The following NEK10 variants were observed in gnomAD, a reference collection of about 807,000 sequenced individuals.
NEK10 encodes NIMA related kinase 10.
Under a neutral mutation model 159.8 loss-of-function variants are expected in NEK10, and 122 were observed. That is an observed-to-expected ratio of 0.76 (90% CI 0.66 to 0.89). The LOEUF (loss-of-function observed/expected upper bound fraction) is 0.89, where lower values mean the gene tolerates loss of function less well. Ranked by LOEUF, NEK10 falls within the 40% of genes least tolerant of loss-of-function variation. The pLI is 0.00. For missense variants in NEK10, 1,342 were observed against 1,323.1 expected, an observed-to-expected ratio of 1.01 and a Z score of -0.22; for synonymous variants, 466 against 457.1, an observed-to-expected ratio of 1.02 and a Z score of -0.25.
intron 22 of NEK10, among the ~76,000 whole-genome samples, chr3:27,260,257 T>C (rs2040280383): frequency 6.6e-6 from 1 of 152,202 alleles, no homozygotes; most frequent in African/African-American, 2.4e-5. Flanking sequence ...CAACACTATG[T>C]TGAATAGGAG....
In NEK10 at chr3:27,301,639, GT is replaced by G; in HGVS notation, c.1168+56del. 2.3e-6 allele frequency: 3 copies of G among 1,329,660 alleles called. No individual in the cohort carries two copies. In the South Asian group the frequency reaches 3.8e-5, roughly 17 times the overall value. 82.4% of individuals were successfully genotyped at this position (1,329,660 alleles called of 1,614,324 possible). On this transcript the variant is annotated intron_variant, in intron 13 of 35. Transcript: ENST00000691995. The stretch of plus-strand genomic sequence containing the variant: ...AACACTACTACACTAATCTATGATA[GT>G]GAATAATAATACAACACAATAAATT...
At chr3:27,232,297 T>G (rs944337945) in intron 23 of NEK10, among the ~76,000 whole-genome samples, 5 of 151,716 alleles carry the variant, frequency 3.3e-5, no homozygotes, top group Admixed American at 3.3e-4. Flanking sequence ...AAATCAAGAA[T>G]GCAACTCTTT....
chr3:27,359,201 C>CAAA (rs5847459), intron 1 of NEK10, among the ~76,000 whole-genome samples: 28 of 135,060 alleles, frequency 2.1e-4, no homozygotes, highest in Non-Finnish European at 2.8e-4. Context: ...AACTCCATTT[C>CAAA]AAAAAAAAAA....
At chr3:27,368,405 C>T (rs556973542) in intron 1 of NEK10, among the ~76,000 whole-genome samples, 316 of 151,916 alleles carry the variant, frequency 2.1e-3, no homozygotes, top group Non-Finnish European at 3.4e-3. Flanking sequence ...AGACTAGAAT[C>T]GGAGAAGCCA....
chr3:27,311,096 A>C (rs1329843843), intron 8 of NEK10, 80 bp from the exon 9 acceptor site: 3 of 853,636 alleles, frequency 3.5e-6, no homozygotes, highest in East Asian at 2.5e-5. Context: ...TCTGCAGTGC[A>C]TATGGGCAGG....
intron 20 of NEK10, among the ~76,000 whole-genome samples, chr3:27,285,705 A>G (rs1325670617): frequency 1.3e-5 from 2 of 152,172 alleles, no homozygotes; most frequent in Non-Finnish European, 2.9e-5. Flanking sequence ...ATGGGATGTG[A>G]TATGTGTCTT....
intron 30 of NEK10, among the ~76,000 whole-genome samples, chr3:27,159,994 T>C (rs1350107927): frequency 4.0e-5 from 6 of 151,618 alleles, no homozygotes; most frequent in East Asian, 1.9e-4. Flanking sequence ...TTCCGGAACA[T>C]TTAGGCAATA....
chr3:27,124,488 G>A (rs1941710414), intron 32 of NEK10, among the ~76,000 whole-genome samples: 1 of 152,162 alleles, frequency 6.6e-6, no homozygotes, highest in South Asian at 2.1e-4. Flanking sequence ...TCTAAGGCAA[G>A]TATTACCCCC....
rs1559552304 is a variant in NEK10 at position 27,174,420 on chromosome 3, T to C, written c.2776+19A>G. The C allele has an allele frequency of 4.4e-6, 7 of 1,607,128 alleles. No individual in the cohort carries two copies. Among genetic ancestry groups the C allele is most frequent in the South Asian group, 3.3e-5 (3 of 89,902 alleles). ...CTTCCGGAATCCCACAAACAGCAAA[T>C]TGATAACAGAAAGCTTACTGAATGT... On this transcript the variant is annotated intron_variant, in intron 28 of 35. Coordinates refer to ENST00000691995, the MANE Select transcript of NEK10 (RefSeq NM_001394966.1).
At position 27,322,160 on chromosome 3, in the gene NEK10, G is replaced by T. The variant is rs778013345; in HGVS notation, c.447+17C>A. ...TTTATAACAAGTAAAAAAAAAAATT[G>T]TATTTTTCCAACCAACCTGATAACA... On this transcript the variant is annotated intron_variant, in intron 6 of 35. Transcript: ENST00000691995. The T allele has an allele frequency of 1.7e-5, 23 of 1,338,134 alleles. No individual in the cohort carries two copies. Among genetic ancestry groups the T allele is most frequent in the Admixed American group, 2.3e-5 (1 of 44,140 alleles). 82.9% of individuals were successfully genotyped at this position (1,338,134 alleles called of 1,614,324 possible).
chr3:27,146,580 T>C (rs1295691876), intron 30 of NEK10, among the ~76,000 whole-genome samples: 1 of 152,212 alleles, frequency 6.6e-6, no homozygotes, highest in Non-Finnish European at 1.5e-5. Context: ...TTTACTATCA[T>C]AACAATGAAA....
At chr3:27,307,728 AG>A in intron 11 of NEK10, 130 bp downstream of exon 11, 1 of 641,700 alleles carries the variant, frequency 1.6e-6, no homozygotes, top group Non-Finnish European at 2.8e-6. Flanking sequence ...AAACTTAAAC[AG>A]AAAATAAATG....
chr3:27,366,982 G>T (rs1296830867), intron 1 of NEK10, among the ~76,000 whole-genome samples: 1 of 151,844 alleles, frequency 6.6e-6, no homozygotes, highest in Non-Finnish European at 1.5e-5. Flanking sequence ...AGCTAATTTT[G>T]TATTTTTTGT....
chr3:27,321,350 T>G (rs892500068), intron 6 of NEK10, among the ~76,000 whole-genome samples: 3 of 152,086 alleles, frequency 2.0e-5, no homozygotes, highest in African/African-American at 7.2e-5. Flanking sequence ...TCCAGGTGAT[T>G]CCCATGCACA....
intron 33 of NEK10, among the ~76,000 whole-genome samples, chr3:27,117,711 A>T (rs190469249): frequency 6.7e-4 from 102 of 152,234 alleles, no homozygotes; most frequent in Non-Finnish European, 1.2e-3. Flanking sequence ...TTCCTTGCAG[A>T]TTCTGGATAT....
At chr3:27,162,954 GT>G in intron 29 of NEK10, 1 of 223,652 alleles carries the variant, frequency 4.5e-6, no homozygotes, top group Non-Finnish European at 7.5e-6. Context: ...TCCCACCACA[GT>G]TTTTAGGCTC....
intron 5 of NEK10, among the ~76,000 whole-genome samples, chr3:27,331,948 A>AT (rs1223010239): frequency 6.6e-6 from 1 of 152,088 alleles, no homozygotes; most frequent in South Asian, 2.1e-4. Context: ...AAGTAAATTA[A>AT]TTTTTTTGCA....
chr3:27,268,779 C>T (rs1222165728), intron 22 of NEK10, among the ~76,000 whole-genome samples: 1 of 152,142 alleles, frequency 6.6e-6, no homozygotes, highest in Non-Finnish European at 1.5e-5. Flanking sequence ...TCTACTTTTA[C>T]TAATTCAGAG....
At chr3:27,367,988 G>A (rs922598452) in intron 1 of NEK10, among the ~76,000 whole-genome samples, 72 of 152,086 alleles carry the variant, frequency 4.7e-4, no homozygotes, top group African/African-American at 1.7e-3. Flanking sequence ...ATGCCCTTAT[G>A]TGCGTTTTAA....
Sources: gnomAD v4.1 joint callset for allele counts (sites outside exome capture counted in the v4.1 genomes callset) on GRCh38, gnomAD v4.1.1 for gene constraint, MANE v1.5 for transcripts, NCBI Gene and HGNC (gene_info 2026-07-23, HGNC 2026-07-21) for gene names.